Variants in RPN2 observed in about 807,000 individuals in gnomAD.
RPN2 encodes the protein ribophorin II.
A neutral mutation model predicts 71.4 loss-of-function variants in RPN2; 29 were observed. The ratio of observed to expected loss-of-function variants is 0.41; its 90% CI spans 0.30 to 0.55. The LOEUF is 0.55. Ranked by LOEUF, RPN2 falls within the 20% of genes least tolerant of loss-of-function variation. The pLI, the probability that RPN2 is intolerant of heterozygous loss-of-function variation, is 0.35. For missense variants in RPN2, 726 were observed against 774.1 expected, an observed-to-expected ratio of 0.94 and a Z score of 0.74; for synonymous variants, 308 against 305.0, an observed-to-expected ratio of 1.01 and a Z score of -0.10.
chr20:37,213,778 T>C lies in RPN2; in HGVS notation c.1005T>C (p.Asn335=), dbSNP rs959605668. 8 of 1,613,918 alleles carry C rather than the reference T, an allele frequency of 5.0e-6. No individual in the cohort carries two copies. In the African/African-American group the frequency reaches 1.1e-4, roughly 22 times the overall value. Residue 335 remains asparagine, a synonymous_variant, in exon 9 of 17, where the codon AAT becomes AAC. Transcript: ENST00000237530. ...FTPVGDVFEL[N]FMNVKFSSGY... is the part of the protein sequence containing the mutation. Reference sequence around the variant, plus strand: ...TTAACAGGGATGTTTTTGAACTAAATTTCATGAACGTCAAATTTTCCAGTG... The same window carrying C: ...TTAACAGGGATGTTTTTGAACTAAACTTCATGAACGTCAAATTTTCCAGTG...
At chr20:37,213,058 C>T (rs974275712) in intron 8 of RPN2, among the ~76,000 whole-genome samples, 1 of 151,872 alleles carries the variant, frequency 6.6e-6, no homozygotes, top group Non-Finnish European at 1.5e-5. Flanking sequence ...TCACAAAACA[C>T]GGAAAGGTAG....
intron 2 of RPN2, among the ~76,000 whole-genome samples, chr20:37,195,241 A>G (rs940913539): frequency 1.3e-5 from 2 of 152,130 alleles, no homozygotes; most frequent in Non-Finnish European, 2.9e-5. Flanking sequence ...CAGGCTGAGC[A>G]TGTTCTGGGA....
At chr20:37,231,813 T>C (rs551164411) in intron 13 of RPN2, among the ~76,000 whole-genome samples, 54 of 152,130 alleles carry the variant, frequency 3.5e-4, no homozygotes, top group South Asian at 8.3e-4. Context: ...GAAAGATCTG[T>C]AGGGAGGCTC....
intron 1 of RPN2, among the ~76,000 whole-genome samples, chr20:37,179,952 A>G (rs1055457503): frequency 5.3e-5 from 8 of 152,202 alleles, no homozygotes; most frequent in African/African-American, 1.9e-4. Flanking sequence ...TAAGTTAGTC[A>G]AATTAGTCAC....
At chr20:37,211,927 G>A (rs747032451) in intron 8 of RPN2, among the ~76,000 whole-genome samples, 6 of 151,764 alleles carry the variant, frequency 4.0e-5, no homozygotes, top group Non-Finnish European at 8.8e-5. Context: ...CGGTAGAGAT[G>A]GGGTTTTACC....
intron 4 of RPN2, among the ~76,000 whole-genome samples, chr20:37,203,361 C>CTTTTTTTTTTTTTTTT (rs11348988): frequency 7.2e-6 from 1 of 138,114 alleles, no homozygotes. Flanking sequence ...TTGCTTCAAT[C>CTTTTTTTTTTTTTTTT]TTTTTTTTTT....
intron 13 of RPN2, among the ~76,000 whole-genome samples, chr20:37,231,552 A>T (rs920791597): frequency 2.0e-5 from 3 of 151,972 alleles, no homozygotes; most frequent in African/African-American, 7.3e-5. Context: ...CTCTACAAAG[A>T]ATTTAAAAAT....
intron 1 of RPN2, among the ~76,000 whole-genome samples, chr20:37,183,668 T>C (rs1258102005): frequency 6.6e-6 from 1 of 152,184 alleles, no homozygotes; most frequent in Non-Finnish European, 1.5e-5. Flanking sequence ...CCTTACATTA[T>C]TGTACTGGGG....
chr20:37,199,439 A>G lies in RPN2; in HGVS notation c.479+214A>G, dbSNP rs4812882. ...AGCTCACATGGACACAGTCTTCTGC[A>G]AGCCTCGCAGACAGAAGGCAAGCGC... On this transcript the variant is annotated intron_variant, in intron 4 of 16. Coordinates refer to ENST00000237530, the MANE Select transcript of RPN2 (RefSeq NM_002951.5). Among the ~76,000 whole-genome samples, 117,034 of 152,232 alleles carry G rather than the reference A, an allele frequency of 0.77. 45,465 individuals are homozygous for G. Among genetic ancestry groups the G allele is most frequent in the Middle Eastern group, 0.89 (261 of 294 alleles).
intron 1 of RPN2, among the ~76,000 whole-genome samples, chr20:37,182,022 A>ATAG (rs1331582308): frequency 6.6e-6 from 1 of 152,168 alleles, no homozygotes; most frequent in African/African-American, 2.4e-5. Context: ...TGTGTGGCAC[A>ATAG]TAGTAGCTCA....
intron 13 of RPN2, among the ~76,000 whole-genome samples, chr20:37,230,293 G>A (rs2068204454): frequency 6.6e-6 from 1 of 152,216 alleles, no homozygotes; most frequent in South Asian, 2.1e-4. Flanking sequence ...CAGAACCTGA[G>A]TCTGGTTTTC....
At chr20:37,180,291 T>C (rs1282927613) in intron 1 of RPN2, among the ~76,000 whole-genome samples, 2 of 152,338 alleles carry the variant, frequency 1.3e-5, no homozygotes, top group South Asian at 2.1e-4. Flanking sequence ...TCAAATTGCC[T>C]GAAGTTTGAT....
chr20:37,184,188 A>G lies in RPN2; in HGVS notation c.22A>G (p.Thr8Ala). The change falls in exon 2 of 17, where the codon ACT (threonine) becomes GCT (alanine). Residue 8 changes from threonine (T) to alanine (A), a missense_variant. Physicochemically the swap from Thr to Ala is moderately conservative, Grantham distance 58 (BLOSUM62 0). Coordinates refer to ENST00000237530, the MANE Select transcript of RPN2 (RefSeq NM_002951.5). MAPPGSS[T>A]VFLLALTIIA... ...GGTTGTTTCCCCCCAAGGTTCAAGC[A>G]CTGTCTTCCTGTTGGCCCTGACAAT... is the stretch of plus-strand genomic sequence containing the variant. 2.5e-6 allele frequency: 4 copies of G among 1,614,178 alleles called. No homozygotes were observed. The South Asian group carries it at 3.3e-5, about 13-fold the overall frequency.
chr20:37,210,254 G>A, intron 8 of RPN2, 89 bp downstream of exon 8: 2 of 1,598,894 alleles, frequency 1.3e-6, no homozygotes, highest in Non-Finnish European at 8.5e-7. Context: ...ATACATTCCA[G>A]TTAGGTAAAT....
In RPN2 at chr20:37,236,634, T is replaced by G. The variant is rs778507480; in HGVS notation, c.1808T>G (p.Leu603Trp). Residue 603 changes from leucine to tryptophan, a missense_variant, in exon 16 of 17, where the codon TTG (leucine) becomes TGG (tryptophan). Coordinates refer to ENST00000237530, the MANE Select transcript of RPN2 (RefSeq NM_002951.5). ...YWTQLNMFQT[L>W]KYLAILGSVT... is the part of the protein sequence containing the mutation. ...ACTCAGCTCAACATGTTCCAGACCT[T>G]GAAGTACCTGGCCATCCTGGGCAGT... 40 of 1,613,992 alleles carry G rather than the reference T, an allele frequency of 2.5e-5. No individual in the cohort carries two copies. In the South Asian group the frequency reaches 4.4e-4, roughly 18 times the overall value.
chr20:37,200,370 C>A, intron 4 of RPN2: 1 of 468,710 alleles, frequency 2.1e-6, no homozygotes, highest in South Asian at 1.6e-5. Context: ...TTTTTTTTAA[C>A]ACTTAAACTG....
chr20:37,193,068 C>T (rs1361248698), intron 2 of RPN2, among the ~76,000 whole-genome samples: 3 of 152,182 alleles, frequency 2.0e-5, no homozygotes, highest in East Asian at 1.9e-4. Flanking sequence ...TTGGAGGCTG[C>T]AGTGAGCTAC....
chr20:37,223,854 A>ACTGTCTTCT, intron 9 of RPN2, 24 bp from the exon 10 acceptor site: 2 of 1,604,140 alleles, frequency 1.2e-6, no homozygotes, highest in Non-Finnish European at 1.7e-6. Flanking sequence ...TGACCTGGCA[A>ACTGTCTTCT]CTGTCTTCTC....
chr20:37,223,630 T>G (rs1325405593), intron 9 of RPN2, among the ~76,000 whole-genome samples: 3 of 119,170 alleles, frequency 2.5e-5, no homozygotes, highest in African/African-American at 4.5e-5. Context: ...TTCCTTTTTC[T>G]TCTTCTTTTT....
Sources: gnomAD v4.1 joint callset for allele counts (sites outside exome capture counted in the v4.1 genomes callset) on GRCh38, gnomAD v4.1.1 for gene constraint, MANE v1.5 for transcripts, NCBI Gene and HGNC (gene_info 2026-07-23, HGNC 2026-07-21) for gene names.